Variants in HEATR1 observed in about 807,000 individuals in gnomAD.
HEATR1 encodes HEAT repeat-containing protein 1.
In HEATR1, 77 loss-of-function variants were observed where a neutral mutation model predicts 248.2. The observed-to-expected ratio is 0.31, with a 90% CI of 0.26 to 0.37. HEATR1 has a LOEUF of 0.37. Among genes scored for constraint, HEATR1 ranks in the 10% least tolerant of loss-of-function variants. HEATR1 has a pLI of 1.00. For missense variants in HEATR1, 2,420 were observed against 2,504.9 expected (o/e 0.97, Z 0.72); for synonymous variants, 897 against 923.1 (o/e 0.97, Z 0.51).
intron 2 of HEATR1, among the ~76,000 whole-genome samples, 181 bp downstream of exon 2, chr1:236,603,773 C>T (rs1361541101): frequency 1.3e-5 from 2 of 151,640 alleles, no homozygotes; most frequent in Admixed American, 1.3e-4. Context: ...TACTCATAAA[C>T]ATTTCAAGCA....
intron 32 of HEATR1, among the ~76,000 whole-genome samples, chr1:236,562,713 C>A (rs75711359): frequency 0.016 from 2,374 of 152,034 alleles, 15 homozygotes; most frequent in Middle Eastern, 0.075. Context: ...CTGGGCAGAT[C>A]TGCCACCTTT....
At position 236,590,833 on chromosome 1, in the gene HEATR1, G is replaced by C. The variant is rs781148954; in HGVS notation, c.1530+14C>G. ...AGAAAAAAAAACCATATAAAAAAGC[G>C]ATCTGAAACAAACCTTTGATGTTTT... On this transcript the variant is annotated intron_variant, in intron 12 of 44. Transcript: ENST00000366582. 7 of 1,372,944 alleles carry C rather than the reference G, an allele frequency of 5.1e-6. No individual in the cohort carries two copies. The African/African-American group carries it at 1.0e-4, about 20-fold the overall frequency. 85.0% of individuals were successfully genotyped at this position (1,372,944 alleles called of 1,614,324 possible).
chr1:236,567,891 A>G (rs551621814), intron 29 of HEATR1, among the ~76,000 whole-genome samples: 6 of 152,358 alleles, frequency 3.9e-5, no homozygotes, highest in African/African-American at 1.4e-4. Context: ...AAAGGCCAAC[A>G]ACTTCCTGCT....
At chr1:236,573,331 CAT>C (rs1263804232) in intron 24 of HEATR1, among the ~76,000 whole-genome samples, 3 of 152,132 alleles carry the variant, frequency 2.0e-5, no homozygotes. Context: ...AGGAATAAGA[CAT>C]ATACACACAT....
rs1327569859 is a variant in HEATR1 at position 236,552,018 on chromosome 1, G to C, written c.6327C>G (p.Phe2109Leu). 3.1e-6 allele frequency: 5 copies of C among 1,608,088 alleles called. No homozygotes were observed. Among genetic ancestry groups the C allele is most frequent in the Non-Finnish European group, 4.3e-6 (5 of 1,174,830 alleles). The change falls in exon 44 of 45, where the codon TTC (phenylalanine) becomes TTG (leucine). Residue 2109 changes from phenylalanine (F) to leucine (L), a missense_variant. Transcript: ENST00000366582. The part of the protein sequence containing the change: ...YIVLLPESIP[F>L]LAELMEDECE... ...AATTACCTTCCATCAACTCTGCTAA[G>C]AAAGGAATGGATTCTGGTAGCAAGA...
At position 236,594,090 on chromosome 1, in the gene HEATR1, C is replaced by A. The variant is rs1360149989; in HGVS notation, c.1115G>T (p.Gly372Val). The change falls in exon 9 of 45, where the codon GGT becomes GTT. Residue 372 changes from glycine to valine, a missense_variant. Coordinates refer to ENST00000366582, the MANE Select transcript of HEATR1 (RefSeq NM_018072.6). Reference protein sequence around the residue: ...VTGEETEGMDGQIYKRHLEAI... With the variant: ...VTGEETEGMDVQIYKRHLEAI... Reference sequence around the variant, plus strand: ...TTCTAAGTGTCTCTTGTAGATTTGACCATCCATTCCTTCAGTTTCTTCTCC... The same window carrying A: ...TTCTAAGTGTCTCTTGTAGATTTGAACATCCATTCCTTCAGTTTCTTCTCC... 1 of 1,596,148 alleles carries A rather than the reference C, an allele frequency of 6.3e-7. No individual in the cohort carries two copies. Among genetic ancestry groups the A allele is most frequent in the South Asian group, 1.2e-5 (1 of 86,676 alleles).
At chr1:236,574,375 G>A (rs1434691153) in intron 23 of HEATR1, 42 bp from the exon 24 acceptor site, 1 of 1,563,954 alleles carries the variant, frequency 6.4e-7, no homozygotes, top group Non-Finnish European at 8.6e-7. Flanking sequence ...CAGTGAACAA[G>A]TTTAAATTCC....
intron 12 of HEATR1, among the ~76,000 whole-genome samples, chr1:236,590,400 ATT>A (rs1664001066): frequency 6.6e-6 from 1 of 151,880 alleles, no homozygotes; most frequent in African/African-American, 2.4e-5. Context: ...CTAATTTTTT[ATT>A]TTTTGAACTT....
chr1:236,604,160 A>G, intron 1 of HEATR1, 33 bp from the exon 2 acceptor site: 2 of 1,495,568 alleles, frequency 1.3e-6, no homozygotes, highest in Non-Finnish European at 1.8e-6. Flanking sequence ...ATAAGTTTCT[A>G]CGAAATTATA....
intron 24 of HEATR1, among the ~76,000 whole-genome samples, chr1:236,573,766 T>C (rs909655758): frequency 3.3e-5 from 5 of 152,164 alleles, no homozygotes; most frequent in Non-Finnish European, 7.4e-5. Context: ...CAGGTGGCTA[T>C]TCTGATAATA....
intron 11 of HEATR1, 107 bp downstream of exon 11, chr1:236,591,881 CTGTAA>C (rs1664047726): frequency 1.5e-5 from 9 of 618,184 alleles, no homozygotes; most frequent in Non-Finnish European, 2.4e-5. Context: ...AAGGTTATCT[CTGTAA>C]AATTTTCCAC....
Position 236,559,869 on chromosome 1 carries a change from A to G in HEATR1, c.4647-32T>C, listed in dbSNP as rs765622953. ...CACAGAGGCTCGCTCAGCAAACGGC[A>G]GCTGAAGGCACTCAGAGAACTTGTT... On this transcript the variant is annotated intron_variant, in intron 33 of 44. Transcript: ENST00000366582. The G allele has an allele frequency of 1.8e-5, 29 of 1,574,570 alleles. No individual in the cohort carries two copies. The South Asian group carries it at 3.2e-4, about 18-fold the overall frequency.
At chr1:236,600,590 G>A (rs1664296634) in intron 3 of HEATR1, among the ~76,000 whole-genome samples, 1 of 151,716 alleles carries the variant, frequency 6.6e-6, no homozygotes, top group South Asian at 2.1e-4. Context: ...GAGTGCAGTG[G>A]TGTGATCTCA....
At chr1:236,603,885 A>AC (rs1400567904) in intron 2 of HEATR1, 69 bp downstream of exon 2, 4 of 1,539,160 alleles carry the variant, frequency 2.6e-6, no homozygotes, top group Non-Finnish European at 3.5e-6. Context: ...ACAAGGGGAA[A>AC]AAAAAAAAAC....
At position 236,558,240 on chromosome 1, in the gene HEATR1, G is replaced by T; in HGVS notation, c.5201C>A (p.Pro1734His). Reference sequence around the variant, plus strand: ...TTCCAAGTCTCCGGCCGCATACCTGGGAAGCTGGGGGATGGCCAGCGCCTC... The same window carrying T: ...TTCCAAGTCTCCGGCCGCATACCTGTGAAGCTGGGGGATGGCCAGCGCCTC... ...TLEALAIPQL[P>H]SLMPSLLTTM... is the part of the protein sequence containing the mutation. Residue 1734 changes from proline (P) to histidine (H), a missense_variant, in exon 36 of 45, where the codon CCC (proline) becomes CAC (histidine). Coordinates refer to ENST00000366582, the MANE Select transcript of HEATR1 (RefSeq NM_018072.6). The T allele has an allele frequency of 6.2e-7, 1 of 1,610,698 alleles. No homozygotes were observed. The highest frequency in any genetic ancestry group is 8.5e-7 in the Non-Finnish European group (1 of 1,178,290).
In HEATR1 at chr1:236,561,217, A is replaced by G. The variant is rs778591435; in HGVS notation, c.4646+8T>C. Reference sequence around the variant, plus strand: ...AAATAAAAAGTAGAAAAAGAAAAGGAAACATACCTCTCTTCAAGGCCTTTT... The same window carrying G: ...AAATAAAAAGTAGAAAAAGAAAAGGGAACATACCTCTCTTCAAGGCCTTTT... On this transcript the variant is annotated splice_region_variant and intron_variant, in intron 33 of 44. Coordinates refer to ENST00000366582, the MANE Select transcript of HEATR1 (RefSeq NM_018072.6). 6.9e-6 allele frequency: 11 copies of G among 1,594,904 alleles called. No homozygotes were observed. In the African/African-American group the frequency reaches 1.2e-4, roughly 18 times the overall value.
intron 36 of HEATR1, among the ~76,000 whole-genome samples, chr1:236,557,900 C>T (rs190721416): frequency 5.1e-4 from 77 of 152,270 alleles, no homozygotes; most frequent in African/African-American, 1.7e-3. Flanking sequence ...TGAAGATAAA[C>T]GGGAAGGCTG....
chr1:236,556,143 G>T lies in HEATR1; in HGVS notation c.5471C>A (p.Pro1824His). The T allele has an allele frequency of 6.2e-7, 1 of 1,613,986 alleles. No individual in the cohort carries two copies. Among genetic ancestry groups the T allele is most frequent in the Non-Finnish European group, 8.5e-7 (1 of 1,180,026 alleles). ...CTGCTTGTAAGTTTTTTTGATGGCGGGCAACAGGACTCGGGGTGCAAGTGT... is the reference window on the plus strand; with the variant it reads ...CTGCTTGTAAGTTTTTTTGATGGCGTGCAACAGGACTCGGGGTGCAAGTGT... ...ATTLAPRVLL[P>H]AIKKTYKQIE... Residue 1824 changes from proline (P) to histidine (H), a missense_variant, in exon 38 of 45, where the codon CCC (proline) becomes CAC (histidine). Transcript: ENST00000366582.
chr1:236,596,161 A>T (rs1371689144), intron 6 of HEATR1, 117 bp from the exon 7 acceptor site: 5 of 727,156 alleles, frequency 6.9e-6, no homozygotes, highest in Admixed American at 2.7e-5. Flanking sequence ...ATGCATAGTC[A>T]ATCACTCTTC....
Sources: gnomAD v4.1 joint callset for allele counts (sites outside exome capture counted in the v4.1 genomes callset) on GRCh38, gnomAD v4.1.1 for gene constraint, MANE v1.5 for transcripts, NCBI Gene and HGNC (gene_info 2026-07-23, HGNC 2026-07-21) for gene names.